CNOT10: variants seen among roughly 807,000 people sequenced by gnomAD.
CNOT10 encodes the protein CCR4-NOT transcription complex subunit 10.
CNOT10 carries 30 observed loss-of-function variants against 94.6 expected under a neutral mutation model. The ratio of observed to expected loss-of-function variants is 0.32; its 90% CI spans 0.24 to 0.43. The LOEUF (loss-of-function observed/expected upper bound fraction) is 0.43, where lower values mean the gene tolerates loss of function less well. Ranked by LOEUF, CNOT10 falls within the 20% of genes least tolerant of loss-of-function variation. CNOT10 has a pLI of 1.00. For synonymous variants in CNOT10, 289 were observed against 301.6 expected, an observed-to-expected ratio of 0.96 and a Z score of 0.43; for missense variants, 759 against 877.2, an observed-to-expected ratio of 0.87 and a Z score of 1.70.
intron 8 of CNOT10, among the ~76,000 whole-genome samples, chr3:32,724,167 C>T (rs1246591760): frequency 1.3e-5 from 2 of 151,762 alleles, no homozygotes; most frequent in African/African-American, 2.4e-5. Flanking sequence ...AGATGCTTAG[C>T]TGCAGTGGTA....
At chr3:32,704,089 T>C (rs907929870) in intron 2 of CNOT10, 127 bp downstream of exon 2, 24 of 547,138 alleles carry the variant, frequency 4.4e-5, no homozygotes, top group Non-Finnish European at 6.4e-5. Flanking sequence ...TAGAGATAAG[T>C]AGGTTTAATT....
At chr3:32,737,560 C>G (rs1047216445) in intron 13 of CNOT10, 70 bp downstream of exon 13, 1 of 996,070 alleles carries the variant, frequency 1.0e-6, no homozygotes, top group Non-Finnish European at 1.5e-6. Context: ...CACAGTGGCT[C>G]ATACCTCTAA....
chr3:32,773,133 C>T (rs1700987858), intron 18 of CNOT10, among the ~76,000 whole-genome samples: 1 of 152,148 alleles, frequency 6.6e-6, no homozygotes, highest in African/African-American at 2.4e-5. Flanking sequence ...TCCCAAAGTA[C>T]TAGGGTTACA....
chr3:32,699,809 C>G (rs1697250000), intron 1 of CNOT10, among the ~76,000 whole-genome samples: 1 of 152,014 alleles, frequency 6.6e-6, no homozygotes, highest in African/African-American at 2.4e-5. Flanking sequence ...CAAAAGAACC[C>G]CATAACCAGT....
At chr3:32,708,585 G>A in intron 3 of CNOT10, 85 bp from the exon 4 acceptor site, 1 of 1,172,508 alleles carries the variant, frequency 8.5e-7, no homozygotes, top group Non-Finnish European at 1.2e-6. Context: ...GTTGGCCTAT[G>A]TTCCTTTTTA....
intron 9 of CNOT10, among the ~76,000 whole-genome samples, chr3:32,726,578 C>A (rs547558930): frequency 6.6e-6 from 1 of 151,258 alleles, no homozygotes; most frequent in African/African-American, 2.4e-5. Flanking sequence ...CGCCTGTAGC[C>A]CCAGCTACTT....
In CNOT10 at chr3:32,730,367, A is replaced by G. The variant is rs1698887796; in HGVS notation, c.1215+2497A>G. ...GAGGATAAGTATTTTCCATATTAAT[A>G]TGCTGCCAGTCCTGTTTTTTTTTCT... On this transcript the variant is annotated intron_variant, in intron 10 of 18. Coordinates refer to ENST00000328834, the MANE Select transcript of CNOT10 (RefSeq NM_015442.3). Among the ~76,000 whole-genome samples, 2 of 151,898 alleles carry G rather than the reference A, an allele frequency of 1.3e-5. 1 individual carries two copies. The highest frequency in any genetic ancestry group is 4.1e-4 in the South Asian group (2 of 4,822).
At chr3:32,713,768 G>C (rs1048593599) in intron 5 of CNOT10, among the ~76,000 whole-genome samples, 1 of 152,062 alleles carries the variant, frequency 6.6e-6, no homozygotes, top group Non-Finnish European at 1.5e-5. Context: ...TTTGTCACTG[G>C]CTTTTTTTAC....
At chr3:32,711,772 T>C (rs1190528777) in intron 4 of CNOT10, among the ~76,000 whole-genome samples, 1 of 152,140 alleles carries the variant, frequency 6.6e-6, no homozygotes, top group Admixed American at 6.6e-5. Flanking sequence ...AGCAAGATCA[T>C]TGTGACTGGA....
At chr3:32,713,185 T>C in intron 4 of CNOT10, 42 bp from the exon 5 acceptor site, 1 of 1,520,986 alleles carries the variant, frequency 6.6e-7, no homozygotes, top group East Asian at 2.4e-5. Context: ...TGTGCTTTAC[T>C]TTAGGTTGTG....
chr3:32,689,095 G>A (rs896234941), intron 1 of CNOT10, among the ~76,000 whole-genome samples: 1 of 152,126 alleles, frequency 6.6e-6, no homozygotes, highest in African/African-American at 2.4e-5. Flanking sequence ...GCTCCCACCT[G>A]TAATCCCAGG....
chr3:32,716,904 C>T (rs916087413), intron 6 of CNOT10, among the ~76,000 whole-genome samples: 3 of 152,186 alleles, frequency 2.0e-5, no homozygotes, highest in African/African-American at 7.2e-5. Flanking sequence ...CCTGCCTCGG[C>T]CTCCAAAGTA....
intron 14 of CNOT10, among the ~76,000 whole-genome samples, chr3:32,761,726 CTT>C (rs200865385): frequency 0.058 from 7,859 of 136,360 alleles, 227 homozygotes; most frequent in Middle Eastern, 0.098. Context: ...CTACTAATTT[CTT>C]TTTTTTTTTT....
intron 8 of CNOT10, among the ~76,000 whole-genome samples, chr3:32,723,717 G>C (rs970140949): frequency 1.3e-5 from 2 of 152,268 alleles, no homozygotes; most frequent in Admixed American, 1.3e-4. Context: ...ATTTGAAACA[G>C]ATGTGACAGA....
intron 13 of CNOT10, among the ~76,000 whole-genome samples, chr3:32,755,879 G>A (rs1700208489): frequency 1.3e-5 from 2 of 151,908 alleles, no homozygotes; most frequent in African/African-American, 4.8e-5. Context: ...TCCACAGGGG[G>A]GAAAAGCTAG....
At chr3:32,770,059 G>A (rs1700831068) in intron 18 of CNOT10, 97 bp downstream of exon 18, 5 of 900,040 alleles carry the variant, frequency 5.6e-6, no homozygotes, top group Non-Finnish European at 1.8e-6. Context: ...AGGCTGGAGT[G>A]CAGTGGTACC....
intron 1 of CNOT10, chr3:32,695,778 C>A: frequency 1.3e-6 from 2 of 1,535,872 alleles, no homozygotes; most frequent in Non-Finnish European, 1.7e-6. Context: ...ACGGAGACTA[C>A]TTTTGGGCAA....
At chr3:32,718,312 C>T (rs528653456) in intron 7 of CNOT10, among the ~76,000 whole-genome samples, 24 of 144,602 alleles carry the variant, frequency 1.7e-4, no homozygotes, top group East Asian at 8.1e-4. Context: ...TAGCCAGGCG[C>T]GGTGGCTCAC....
At chr3:32,733,607 T>C (rs1005048620) in intron 11 of CNOT10, 63 bp downstream of exon 11, 1 of 1,102,846 alleles carries the variant, frequency 9.1e-7, no homozygotes, top group Non-Finnish European at 1.3e-6. Flanking sequence ...ATGTTACTTA[T>C]ATATAAAAGT....
Sources: allele counts gnomAD v4.1 joint callset (sites outside exome capture counted in the v4.1 genomes callset), GRCh38; gene constraint gnomAD v4.1.1; transcripts MANE v1.5; gene names NCBI Gene and HGNC (gene_info 2026-07-23, HGNC 2026-07-21).